NRG1: variants seen among roughly 807,000 people sequenced by gnomAD.
The protein encoded by NRG1 is pro-neuregulin-1, membrane-bound isoform.
Under a neutral mutation model 63.8 loss-of-function variants are expected in NRG1, and 18 were observed. The observed-to-expected ratio is 0.28, with a 90% confidence interval of 0.19 to 0.42. The LOEUF is 0.42. NRG1 is among the 10% of genes least tolerant of loss of function. The pLI is 1.00. For missense variants in NRG1, 762 were observed against 814.7 expected (o/e 0.94, Z 0.79); for synonymous variants, 302 against 301.3 (o/e 1.00, Z -0.02).
rs552124017 is a variant in NRG1 at position 32,021,752 on chromosome 8, A to T, written c.37+382321A>T. Among the ~76,000 whole-genome samples, 3 of 152,344 alleles carry T rather than the reference A, an allele frequency of 2.0e-5. 1 individual carries two copies. Among genetic ancestry groups the T allele is most frequent in the East Asian group, 3.9e-4 (2 of 5,184 alleles). ...TATTTTATTAACTCAAATTATTTTT[A>T]CCTGGCTGCATGGACATACAACATT... On this transcript the variant is annotated intron_variant, in intron 1 of 10. Coordinates refer to the NRG1 transcript ENST00000519301.
chr8:31,878,208 GT>G (rs1228586421), intron 1 of NRG1, among the ~76,000 whole-genome samples: 2 of 152,074 alleles, frequency 1.3e-5, no homozygotes, highest in East Asian at 3.9e-4. Flanking sequence ...TTCAAATATA[GT>G]TTTTTTCTAT....
intron 1 of NRG1, among the ~76,000 whole-genome samples, chr8:32,557,285 G>C (rs985571312): frequency 2.0e-5 from 3 of 152,144 alleles, no homozygotes; most frequent in Admixed American, 2.0e-4. Context: ...GGGATTACAG[G>C]CATGAGCCAC....
chr8:32,721,639 G>A (rs1422715369), intron 5 of NRG1: 1 of 202,174 alleles, frequency 4.9e-6, no homozygotes, highest in African/African-American at 2.3e-5. Context: ...GATCTCCTCT[G>A]GCCACTTTCT....
rs1015299586 is a variant in NRG1, at chr8:31,740,074, TG to T, written c.37+100646del. 1.3e-4 allele frequency among the ~76,000 whole-genome samples: 20 copies of T among 151,998 alleles called. No homozygotes were observed. In the Middle Eastern group the frequency reaches 0.01, roughly 78 times the overall value. ...GTTGCAGCTGATATCATTTGCCTTG[TG>T]GGAAAAAAAAATGAGGCTGTTTTAT... On this transcript the variant is annotated intron_variant, in intron 1 of 10. Coordinates refer to the NRG1 transcript ENST00000519301.
chr8:32,128,079 G>A (rs1270007322), intron 1 of NRG1, among the ~76,000 whole-genome samples: 3 of 151,886 alleles, frequency 2.0e-5, no homozygotes, highest in Non-Finnish European at 4.4e-5. Flanking sequence ...TCCCTGCTCT[G>A]CAACATATTT....
chr8:31,702,926 G>C (rs969218234), intron 1 of NRG1, among the ~76,000 whole-genome samples: 8 of 151,532 alleles, frequency 5.3e-5, no homozygotes, highest in Admixed American at 2.6e-4. Flanking sequence ...CAGTATAGAT[G>C]GGCTGAGACT....
intron 1 of NRG1, among the ~76,000 whole-genome samples, chr8:31,927,862 T>TTA (rs1834516878): frequency 1.3e-5 from 2 of 150,266 alleles, no homozygotes; most frequent in Admixed American, 6.6e-5. Flanking sequence ...TTTAAAAAAT[T>TTA]TTATTATTAT....
chr8:32,665,572 G>A (rs185071896), intron 5 of NRG1, among the ~76,000 whole-genome samples: 1 of 152,234 alleles, frequency 6.6e-6, no homozygotes, highest in East Asian at 1.9e-4. Context: ...GGTGATGTAT[G>A]CACTATGTTC....
chr8:32,463,893 TTTTTTTTTTTTTTTTTTTTTGG>T (rs1822677790), intron 1 of NRG1, among the ~76,000 whole-genome samples: 1 of 62,696 alleles, frequency 1.6e-5, no homozygotes, highest in Admixed American at 2.2e-4. Context: ...TTTTTTTTTT[TTTTTTTTTTTTTTTTTTTTTGG>T]GGGAGGGTCT....
intron 1 of NRG1, among the ~76,000 whole-genome samples, chr8:31,880,760 C>A (rs1830288206): frequency 6.6e-6 from 1 of 152,192 alleles, no homozygotes; most frequent in East Asian, 1.9e-4. Context: ...TTATTCTCAG[C>A]ATTTCCTGTT....
chr8:32,511,761 T>C (rs749167351), intron 1 of NRG1, among the ~76,000 whole-genome samples: 3 of 152,130 alleles, frequency 2.0e-5, no homozygotes, highest in Non-Finnish European at 4.4e-5. Context: ...AAATATACTC[T>C]GTGAAGGCAA....
At position 32,107,084 on chromosome 8, in the gene NRG1, A is replaced by G. The variant is rs9792177; in HGVS notation, c.37+467653A>G. Among the ~76,000 whole-genome samples the G allele has an allele frequency of 0.024, 3,610 of 151,946 alleles. 320 individuals are homozygous for G. In the East Asian group the frequency reaches 0.3, roughly 13 times the overall value. On this transcript the variant is annotated intron_variant, in intron 1 of 10. Coordinates refer to the NRG1 transcript ENST00000519301. ...ATACAACAACAACAACAACAACAACAAATTAGCCAGGAGTGGTGGTGCGTG... is the reference window on the plus strand; with the variant it reads ...ATACAACAACAACAACAACAACAACGAATTAGCCAGGAGTGGTGGTGCGTG...
intron 1 of NRG1, among the ~76,000 whole-genome samples, chr8:31,652,985 CTCT>C (rs1805026174): frequency 3.8e-5 from 3 of 78,880 alleles, no homozygotes; most frequent in Non-Finnish European, 2.7e-5. Flanking sequence ...CTCTCCTCTC[CTCT>C]CCTCTCCTCT....
At chr8:32,280,852 T>C (rs112710856) in intron 1 of NRG1, among the ~76,000 whole-genome samples, 2,526 of 144,578 alleles carry the variant, frequency 0.017, 74 homozygotes, top group African/African-American at 0.061. Flanking sequence ...CTCCACCTCC[T>C]GGGTTCATGC....
intron 1 of NRG1, among the ~76,000 whole-genome samples, chr8:32,562,561 A>G (rs928357913): frequency 1.3e-5 from 2 of 152,054 alleles, no homozygotes; most frequent in African/African-American, 4.8e-5. Flanking sequence ...CCAGTGATGG[A>G]TTCAAAGTCG....
chr8:32,770,310 G>A (rs550560748), downstream of NRG1, among the ~76,000 whole-genome samples: 2 of 152,126 alleles, frequency 1.3e-5, no homozygotes, highest in East Asian at 1.9e-4. Flanking sequence ...GGTAAGTGAT[G>A]AGGAAAATTT....
chr8:32,605,157 G>T (rs1845054822), intron 2 of NRG1, among the ~76,000 whole-genome samples: 2 of 152,104 alleles, frequency 1.3e-5, no homozygotes, highest in Non-Finnish European at 2.9e-5. Context: ...AGACTTGTAG[G>T]AAATGATTTT....
At position 32,414,166 on chromosome 8, in the gene NRG1, A is replaced by G. The variant is rs140909094; in HGVS notation, c.38-181662A>G. ...TGGTCATCACTGTCTTTAGGGACTC[A>G]GAGTCTTCCTCTAAGTTAGTTTCAG... On this transcript the variant is annotated intron_variant, in intron 1 of 10. Transcript: ENST00000519301. 5.3e-4 allele frequency among the ~76,000 whole-genome samples: 81 copies of G among 152,230 alleles called. No homozygotes were observed. The East Asian group carries it at 0.014, about 27-fold the overall frequency.
chr8:32,321,520 T>TC (rs544862518), intron 1 of NRG1, among the ~76,000 whole-genome samples: 1 of 146,974 alleles, frequency 6.8e-6, no homozygotes, highest in East Asian at 1.9e-4. Flanking sequence ...GTTTTTTTTT[T>TC]TTCTTCTTCT....
Sources: allele counts gnomAD v4.1 joint callset (sites outside exome capture counted in the v4.1 genomes callset), GRCh38; gene constraint gnomAD v4.1.1; transcripts MANE v1.5; gene names NCBI Gene and HGNC (gene_info 2026-07-23, HGNC 2026-07-21).